EPSTI1: variants seen among roughly 807,000 people sequenced by gnomAD.
The protein encoded by EPSTI1 is epithelial-stromal interaction protein 1.
Under a neutral mutation model 49.9 loss-of-function variants are expected in EPSTI1, and 66 were observed. The ratio of observed to expected loss-of-function variants is 1.32; its 90% CI spans 1.08 to 1.62. The LOEUF (loss-of-function observed/expected upper bound fraction) is 1.62, where lower values mean the gene tolerates loss of function less well. EPSTI1 is among the 40% of genes most tolerant of loss of function. EPSTI1 has a pLI of 0.00. For synonymous variants in EPSTI1, 137 were observed against 130.7 expected (o/e 1.05, Z -0.33); for missense variants, 394 against 365.5 (o/e 1.08, Z -0.64).
At chr13:42,979,536 T>G (rs562706209) in intron 1 of EPSTI1, among the ~76,000 whole-genome samples, 37 of 143,538 alleles carry the variant, frequency 2.6e-4, no homozygotes, top group Non-Finnish European at 4.9e-4. Context: ...AGTGAGCCGA[T>G]ATCGCGCCGC....
chr13:42,905,632 G>A lies in EPSTI1; in HGVS notation c.742-5249C>T, dbSNP rs567175038. Among the ~76,000 whole-genome samples the A allele has an allele frequency of 6.2e-4, 95 of 152,244 alleles. 3 individuals are homozygous for A. In the South Asian group the frequency reaches 0.019, roughly 31 times the overall value. Reference sequence around the variant, plus strand: ...GAGGACAATGACATGCAACATCTGAGGCATTGTTAAGGCCTGGCCTACTCA... The same window carrying A: ...GAGGACAATGACATGCAACATCTGAAGCATTGTTAAGGCCTGGCCTACTCA... On this transcript the variant is annotated intron_variant, in intron 8 of 10. Transcript: ENST00000313624.
intron 7 of EPSTI1, 87 bp from the exon 8 acceptor site, chr13:42,917,711 GC>G: frequency 1.0e-6 from 1 of 957,842 alleles, no homozygotes. Context: ...CCTACTATAG[GC>G]CCGGTGCTAA....
chr13:42,901,334 T>C (rs2037346294), intron 8 of EPSTI1, among the ~76,000 whole-genome samples: 1 of 152,188 alleles, frequency 6.6e-6, no homozygotes. Flanking sequence ...TTATTAACTT[T>C]GTTCAAAGAC....
chr13:42,925,506 C>T (rs1483177844), intron 7 of EPSTI1, among the ~76,000 whole-genome samples: 1 of 152,042 alleles, frequency 6.6e-6, no homozygotes, highest in East Asian at 1.9e-4. Context: ...ATGCCCAGGG[C>T]CTAGGGATAC....
chr13:42,900,874 C>T (rs938158381), intron 8 of EPSTI1, among the ~76,000 whole-genome samples: 1 of 152,158 alleles, frequency 6.6e-6, no homozygotes, highest in Non-Finnish European at 1.5e-5. Context: ...AGTAAGCACT[C>T]ACCTATTATT....
At chr13:42,919,218 A>C in intron 7 of EPSTI1, 1 of 1,329,440 alleles carries the variant, frequency 7.5e-7, no homozygotes, top group Non-Finnish European at 1.1e-6. Context: ...GGTGCCTTAT[A>C]AAGGTCCACA....
rs1566163923 is a variant in EPSTI1, at chr13:42,964,119, C to A, written c.352G>T (p.Glu118Ter). 5.6e-6 allele frequency: 9 copies of A among 1,613,372 alleles called. No homozygotes were observed. Among genetic ancestry groups the A allele is most frequent in the Non-Finnish European group, 5.9e-6 (7 of 1,179,660 alleles). The change falls in exon 4 of 11, where the codon GAA becomes TAA. Residue 118 changes from glutamate (E) to a stop codon, truncating the protein, a stop_gained. Transcript: ENST00000313624. LOFTEE classifies it high-confidence loss of function. ...RRLGGSQSET[E>*]VRQKQQLQLM... is the part of the protein sequence containing the mutation. Reference sequence around the variant, plus strand: ...TGGAGTTGTTGTTTCTGTCTGACTTCAGTTTCTGACTGGCTTCCACCTTAG... The same window carrying A: ...TGGAGTTGTTGTTTCTGTCTGACTTAAGTTTCTGACTGGCTTCCACCTTAG...
At chr13:42,976,511 T>C (rs1033106374) in intron 1 of EPSTI1, among the ~76,000 whole-genome samples, 1 of 152,238 alleles carries the variant, frequency 6.6e-6, no homozygotes, top group Non-Finnish European at 1.5e-5. Context: ...GGCTTAATGA[T>C]AAATAAATTG....
intron 3 of EPSTI1, 38 bp downstream of exon 3, chr13:42,969,056 C>G (rs375047227): frequency 6.2e-7 from 1 of 1,607,292 alleles, no homozygotes; most frequent in Non-Finnish European, 8.5e-7. Flanking sequence ...TAGGTGGCCC[C>G]GCCCTCCCTC....
chr13:42,980,675 A>G (rs1291310171), intron 1 of EPSTI1, among the ~76,000 whole-genome samples: 1 of 152,216 alleles, frequency 6.6e-6, no homozygotes, highest in Non-Finnish European at 1.5e-5. Context: ...GGGTGGGGAC[A>G]CAGCCAAACC....
intron 1 of EPSTI1, among the ~76,000 whole-genome samples, chr13:42,972,974 TAAAAAACTG>T (rs1183840007): frequency 5.3e-5 from 8 of 151,768 alleles, no homozygotes; most frequent in East Asian, 3.9e-4. Context: ...CTCAGAAGAG[TAAAAAACTG>T]AATAGCACGA....
At chr13:42,889,264 T>TA in intron 10 of EPSTI1, 2 of 1,419,686 alleles carry the variant, frequency 1.4e-6, no homozygotes, top group South Asian at 2.7e-5. Flanking sequence ...AAAAAATATA[T>TA]TTTTTACATA....
At chr13:42,947,902 G>A (rs12427475) in intron 6 of EPSTI1, among the ~76,000 whole-genome samples, 10,495 of 152,274 alleles carry the variant, frequency 0.069, 627 homozygotes, top group East Asian at 0.25. Flanking sequence ...CTTCTGGACC[G>A]TTAAGGCCTT....
chr13:42,913,464 G>A (rs945100831), intron 8 of EPSTI1, among the ~76,000 whole-genome samples: 1 of 152,126 alleles, frequency 6.6e-6, no homozygotes, highest in African/African-American at 2.4e-5. Flanking sequence ...ACAAAAAGTA[G>A]TATACTTCAT....
At chr13:42,956,770 G>A (rs1392197240) in intron 5 of EPSTI1, among the ~76,000 whole-genome samples, 1 of 152,132 alleles carries the variant, frequency 6.6e-6, no homozygotes, top group African/African-American at 2.4e-5. Context: ...AAAGGTACAA[G>A]AGAATATGTT....
intron 4 of EPSTI1, among the ~76,000 whole-genome samples, chr13:42,963,800 T>G (rs113557548): frequency 1.9e-4 from 29 of 152,320 alleles, no homozygotes; most frequent in African/African-American, 7.0e-4. Context: ...GACTTTAAAC[T>G]ATAGTTAAAC....
At position 42,966,712 on chromosome 13, in the gene EPSTI1, C is replaced by T. The variant is rs1319633452; in HGVS notation, c.331+2382G>A. 3.5e-5 allele frequency among the ~76,000 whole-genome samples: 3 copies of T among 85,836 alleles called. 1 individual carries two copies. The highest frequency in any genetic ancestry group is 7.9e-5 in the Non-Finnish European group (3 of 37,858). The allele number at this position is 85,836 out of a possible 152,430, so 56.3% of individuals were successfully genotyped here. A position where few individuals can be genotyped will look rare whatever the true frequency, so the allele number is the denominator to read the frequency against. On this transcript the variant is annotated intron_variant, in intron 3 of 10. Transcript: ENST00000313624. ...GAGGTGGGGGGGTCAGCCCCCCGCC[C>T]GGCCAGCCGCCCCGTCCGGGAGGTG... is the stretch of plus-strand genomic sequence containing the variant.
Position 42,965,672 on chromosome 13 carries a change from AGTCCCT to A in EPSTI1, c.332-1539_332-1534del, listed in dbSNP as rs1285769504. On this transcript the variant is annotated intron_variant, in intron 3 of 10. Transcript: ENST00000313624. ...GAGAAGTTTAATGAAAATCAGCTGG[AGTCCCT>A]GTCCCTCTCCCTCTCCCTCTCCCTC... Among the ~76,000 whole-genome samples the A allele has an allele frequency of 1.4e-4, 11 of 77,242 alleles. 1 individual carries two copies. The highest frequency in any genetic ancestry group is 3.1e-4 in the Admixed American group (2 of 6,438). 50.7% of individuals were successfully genotyped at this position (77,242 alleles called of 152,430 possible). A position where few individuals can be genotyped will look rare whatever the true frequency, so the allele number is the denominator to read the frequency against.
intron 6 of EPSTI1, among the ~76,000 whole-genome samples, chr13:42,948,614 C>T (rs1398471770): frequency 1.3e-5 from 2 of 151,788 alleles, no homozygotes; most frequent in African/African-American, 4.8e-5. Context: ...GGAGCTGGGA[C>T]TACAGGCATG....
Sources: gnomAD v4.1 joint callset for allele counts (sites outside exome capture counted in the v4.1 genomes callset) on GRCh38, gnomAD v4.1.1 for gene constraint, MANE v1.5 for transcripts, NCBI Gene and HGNC (gene_info 2026-07-23, HGNC 2026-07-21) for gene names.